The following SUPT20H variants were observed in gnomAD, a reference collection of about 807,000 sequenced individuals.
SUPT20H encodes the protein SPT20 homolog, SAGA complex component, also known as transcription factor SPT20 homolog.
Under a neutral mutation model 122.8 loss-of-function variants are expected in SUPT20H, and 82 were observed. The observed-to-expected ratio is 0.67, with a 90% confidence interval of 0.56 to 0.80. SUPT20H has a LOEUF of 0.80. SUPT20H is among the 30% of genes least tolerant of loss of function. The pLI is 0.00. For synonymous variants in SUPT20H, 291 were observed against 313.0 expected, an observed-to-expected ratio of 0.93 and a Z score of 0.74; for missense variants, 831 against 921.6, an observed-to-expected ratio of 0.90 and a Z score of 1.27.
At chr13:37,054,447 T>A (rs2068478915) in intron 1 of SUPT20H, among the ~76,000 whole-genome samples, 1 of 152,224 alleles carries the variant, frequency 6.6e-6, no homozygotes, top group African/African-American at 2.4e-5. Context: ...ATCCATGGGA[T>A]GCAAGGCTGG....
intron 23 of SUPT20H, chr13:37,013,753 A>T (rs938052689): frequency 6.6e-6 from 1 of 152,118 alleles, no homozygotes; most frequent in Non-Finnish European, 1.5e-5. Context: ...TTCAAAAGTT[A>T]CATTTATCTT....
chr13:37,031,545 A>C, intron 12 of SUPT20H, 22 bp downstream of exon 12: 1 of 1,478,338 alleles, frequency 6.8e-7, no homozygotes, highest in Non-Finnish European at 9.0e-7. Flanking sequence ...TATGAAAAAA[A>C]GTAATTCATG....
At chr13:37,028,763 C>G (rs1259836495) in intron 13 of SUPT20H, among the ~76,000 whole-genome samples, 2 of 151,820 alleles carry the variant, frequency 1.3e-5, no homozygotes, top group Non-Finnish European at 2.9e-5. Context: ...TAGGGTCACA[C>G]AGGGAGTTAG....
rs180703478 is a variant in SUPT20H at position 37,018,415 on chromosome 13, T to A, written c.1872+927A>T. On this transcript the variant is annotated intron_variant, in intron 22 of 25. Transcript: ENST00000350612. ...TTCTGCAATTAGTCTGTAAACATAC[T>A]GCATCGTATATAGGAAACAAGTTTT... Among the ~76,000 whole-genome samples the A allele has an allele frequency of 4.6e-5, 7 of 152,338 alleles. No individual in the cohort carries two copies. In the East Asian group the frequency reaches 1.4e-3, roughly 29 times the overall value.
intron 1 of SUPT20H, among the ~76,000 whole-genome samples, chr13:37,054,656 T>C (rs1243544864): frequency 6.6e-6 from 1 of 152,112 alleles, no homozygotes; most frequent in African/African-American, 2.4e-5. Flanking sequence ...CCACAGCCAA[T>C]ATCATACTGA....
At chr13:37,052,843 AC>A (rs1046933873) in intron 1 of SUPT20H, among the ~76,000 whole-genome samples, 29 of 152,008 alleles carry the variant, frequency 1.9e-4, no homozygotes, top group African/African-American at 7.0e-4. Flanking sequence ...GAAAAAAACA[AC>A]CCCATCAAAA....
rs1017088951 is a variant in SUPT20H, at chr13:37,048,489, C to T, written c.39+75G>A. The T allele has an allele frequency of 7.2e-6, 10 of 1,397,060 alleles. No homozygotes were observed. In the Admixed American group the frequency reaches 1.7e-4, roughly 24 times the overall value. The allele number at this position is 1,397,060 out of a possible 1,614,324, so 86.5% of individuals were successfully genotyped here. ...AATGTGCTCCTTTAAAAATCACATA[C>T]AAAAATCTCTTAAAACTGAGCTTTT... On this transcript the variant is annotated intron_variant, in intron 3 of 25. Transcript: ENST00000350612.
chr13:37,024,319 A>C, intron 18 of SUPT20H, 21 bp downstream of exon 18: 1 of 1,552,422 alleles, frequency 6.4e-7, no homozygotes, highest in Non-Finnish European at 8.7e-7. Flanking sequence ...CTAGACTGCA[A>C]AAAACTAAGA....
chr13:37,020,391 CAT>C (rs2061312779), intron 21 of SUPT20H, among the ~76,000 whole-genome samples: 1 of 152,132 alleles, frequency 6.6e-6, no homozygotes. Flanking sequence ...AAGGCACTTT[CAT>C]ACTTCATTTA....
Position 37,029,789 on chromosome 13 carries a change from T to C in SUPT20H, c.969A>G (p.Ser323=), listed in dbSNP as rs1323708982. 1 of 1,600,176 alleles carries C rather than the reference T, an allele frequency of 6.2e-7. No homozygotes were observed. The highest frequency in any genetic ancestry group is 8.5e-7 in the Non-Finnish European group (1 of 1,174,320). ...CATGGGCTGGCCAGACTGTTGGCTG[T>C]GAGTCATCAGATTTGATAGACTTTT... The part of the protein sequence containing the change: ...KVEKSIKSDD[S]QPTVWPAHDV... Residue 323 remains serine, a synonymous_variant, in exon 13 of 26, where the codon TCA becomes TCG. Transcript: ENST00000350612.
At position 37,040,446 on chromosome 13, in the gene SUPT20H, C is replaced by G; in HGVS notation, c.526G>C (p.Asp176His). ...TTATCACTTGTTATTGAATGTACAT[C>G]ACAAATTAAAGTCTAGAAGAAATAA... is the stretch of plus-strand genomic sequence containing the variant. Reference protein sequence around the residue: ...LRPTMQTLICDVHSITSDNHK... With the variant: ...LRPTMQTLICHVHSITSDNHK... The change falls in exon 9 of 26, where the codon GAT becomes CAT. Residue 176 changes from aspartate (D) to histidine (H), a missense_variant. Coordinates refer to ENST00000350612, the MANE Select transcript of SUPT20H (RefSeq NM_001014286.3). 1 of 1,581,244 alleles carries G rather than the reference C, an allele frequency of 6.3e-7. No individual in the cohort carries two copies.
rs1483233397 is a variant in SUPT20H at position 37,017,321 on chromosome 13, T to G, written c.1916A>C (p.Gln639Pro). The G allele has an allele frequency of 6.2e-7, 1 of 1,613,998 alleles. No homozygotes were observed. The highest frequency in any genetic ancestry group is 1.3e-5 in the African/African-American group (1 of 75,040). The change falls in exon 23 of 26, where the codon CAA (glutamine) becomes CCA (proline). Residue 639 changes from glutamine to proline, a missense_variant. By Grantham distance (76) the Gln-to-Pro change is moderately conservative. Transcript: ENST00000350612. ...SLIFNTLQQQQQQLSQFTPQQ... is the reference protein window; with the variant it reads ...SLIFNTLQQQPQQLSQFTPQQ... ...TGGTGTAAACTGGGAGAGCTGCTGT[T>G]GCTGCTGCTGCAGAGTGTTAAAAAT...
rs760237886 is a variant in SUPT20H, at chr13:37,047,578, T to G, written c.122A>C (p.Tyr41Ser). 2.7e-5 allele frequency: 39 copies of G among 1,425,908 alleles called. No individual in the cohort carries two copies. Among genetic ancestry groups the G allele is most frequent in the Non-Finnish European group, 2.2e-5 (23 of 1,067,964 alleles). 88.3% of individuals were successfully genotyped at this position (1,425,908 alleles called of 1,614,324 possible). A position where few individuals can be genotyped will look rare whatever the true frequency, so the allele number is the denominator to read the frequency against. Residue 41 changes from tyrosine to serine, a missense_variant, in exon 5 of 26, where the codon TAT (tyrosine) becomes TCT (serine). Tyr to Ser is a moderately radical substitution (Grantham distance 144). Transcript: ENST00000350612. ...TTCACATTCTTCAATATACAAGTCA[T>G]AAAGTTTTTGAAATACAGATTTTCT... ...SGRKSVFQKLYDLYIEECEKE... is the reference protein window; with the variant it reads ...SGRKSVFQKLSDLYIEECEKE...
In SUPT20H at chr13:37,022,506, C is replaced by T; in HGVS notation, c.1592-426G>A. 8.1e-7 allele frequency: 1 copy of T among 1,240,560 alleles called. No homozygotes were observed. Among genetic ancestry groups the T allele is most frequent in the Non-Finnish European group, 1.0e-6 (1 of 993,224 alleles). 76.8% of individuals were successfully genotyped at this position (1,240,560 alleles called of 1,614,324 possible). On this transcript the variant is annotated intron_variant, in intron 19 of 25. Coordinates refer to ENST00000350612, the MANE Select transcript of SUPT20H (RefSeq NM_001014286.3). This position sits in a 1 kb window ranked among gnomAD's most constrained non-coding sequence, Gnocchi z 4.5. ...CTACACTCAATTACAATTAAGGATG[C>T]AGTATATCACCTAAAAATCCCATTA...
intron 19 of SUPT20H, chr13:37,023,481 A>G (rs1429012086): frequency 6.5e-6 from 1 of 152,896 alleles, no homozygotes; most frequent in Non-Finnish European, 1.5e-5. Flanking sequence ...ACATTTCAGT[A>G]TCTTCAGAAT....
intron 3 of SUPT20H, 50 bp from the exon 4 acceptor site, chr13:37,047,986 G>A (rs769399127): frequency 2.1e-6 from 3 of 1,451,614 alleles, no homozygotes; most frequent in Non-Finnish European, 2.9e-6. Flanking sequence ...TTTTGACTAT[G>A]AACAACTGTA....
In SUPT20H at chr13:37,051,493, T is replaced by A. The variant is rs2139218970; in HGVS notation, c.-3A>T. The A allele has an allele frequency of 6.2e-7, 1 of 1,611,684 alleles. No individual in the cohort carries two copies. Among genetic ancestry groups the A allele is most frequent in the Non-Finnish European group, 8.5e-7 (1 of 1,178,338 alleles). ...CATACTGAGCTGAAGCTTACCATTA[T>A]GGCATAAAATAAGGGTCCAAAAGAA... is the stretch of plus-strand genomic sequence containing the variant. On this transcript the variant is annotated 5_prime_UTR_variant, in exon 2 of 26. Coordinates refer to ENST00000350612, the MANE Select transcript of SUPT20H (RefSeq NM_001014286.3).
At chr13:37,049,847 T>A (rs1236407942) in intron 2 of SUPT20H, among the ~76,000 whole-genome samples, 1 of 152,214 alleles carries the variant, frequency 6.6e-6, no homozygotes, top group African/African-American at 2.4e-5. Flanking sequence ...ATGATAGTCA[T>A]TTTTAAATTT....
At chr13:37,023,566 A>G (rs1215761568) in intron 19 of SUPT20H, 1 of 152,556 alleles carries the variant, frequency 6.6e-6, no homozygotes, top group Non-Finnish European at 1.5e-5. Context: ...TTTTTGAAAT[A>G]TTGTTTTTCA....
Sources: allele counts gnomAD v4.1 joint callset (sites outside exome capture counted in the v4.1 genomes callset), GRCh38; gene constraint gnomAD v4.1.1; non-coding constraint Gnocchi (gnomAD v3.1); transcripts MANE v1.5; gene names NCBI Gene and HGNC (gene_info 2026-07-23, HGNC 2026-07-21).